Variants in BNC2 observed in about 807,000 individuals in gnomAD.
BNC2 encodes the protein zinc finger protein basonuclin-2.
In BNC2, 20 loss-of-function variants were observed where a neutral mutation model predicts 76.3. That is an observed-to-expected ratio of 0.26 (90% CI 0.18 to 0.38). The LOEUF (loss-of-function observed/expected upper bound fraction) is 0.38, where lower values mean the gene tolerates loss of function less well. Ranked by LOEUF, BNC2 falls within the 10% of genes least tolerant of loss-of-function variation. The pLI, the probability that BNC2 is intolerant of heterozygous loss-of-function variation, is 1.00. For missense variants in BNC2, 1,382 were observed against 1,399.8 expected (o/e 0.99, Z 0.20); for synonymous variants, 582 against 514.8 (o/e 1.13, Z -1.77).
chr9:16,459,841 C>T (rs1274725544), intron 5 of BNC2, among the ~76,000 whole-genome samples: 1 of 152,174 alleles, frequency 6.6e-6, no homozygotes, highest in South Asian at 2.1e-4. Context: ...ATATATTTTT[C>T]ATGTATATAA....
At chr9:16,714,858 T>C (rs561884124) in intron 3 of BNC2, among the ~76,000 whole-genome samples, 7 of 152,336 alleles carry the variant, frequency 4.6e-5, no homozygotes, top group African/African-American at 1.7e-4. Flanking sequence ...GCCTGGAGAA[T>C]TTCAATTATG....
chr9:16,632,904 T>C lies in BNC2; in HGVS notation c.331-49819A>G, dbSNP rs556937493. ...GGGAAAACAATATAATCGAGTTTTATAGGAGGGTAGGTTTCTTAATACCAG... is the reference window on the plus strand; with the variant it reads ...GGGAAAACAATATAATCGAGTTTTACAGGAGGGTAGGTTTCTTAATACCAG... On this transcript the variant is annotated intron_variant, in intron 3 of 6. Transcript: ENST00000380672. Among the ~76,000 whole-genome samples the C allele has an allele frequency of 3.1e-4, 47 of 152,284 alleles. 1 individual carries two copies. The Middle Eastern group carries it at 0.017, about 55-fold the overall frequency.
At chr9:16,470,273 A>G (rs1821795007) in intron 5 of BNC2, among the ~76,000 whole-genome samples, 1 of 152,128 alleles carries the variant, frequency 6.6e-6, no homozygotes, top group Admixed American at 6.5e-5. Context: ...CTTGGATTAC[A>G]GGCATGAGCC....
intron 1 of BNC2, among the ~76,000 whole-genome samples, chr9:16,741,687 G>T (rs1471114019): frequency 6.6e-6 from 1 of 152,054 alleles, no homozygotes; most frequent in Non-Finnish European, 1.5e-5. Flanking sequence ...GACAGGTGCG[G>T]TGGCTCACGC....
intron 5 of BNC2, among the ~76,000 whole-genome samples, chr9:16,551,466 C>A (rs1818660986): frequency 1.3e-5 from 2 of 152,230 alleles, no homozygotes; most frequent in Non-Finnish European, 2.9e-5. Context: ...TCATGTAACA[C>A]ACAGTAGCTC....
chr9:16,814,307 T>C (rs1818128919), intron 1 of BNC2, among the ~76,000 whole-genome samples: 1 of 152,218 alleles, frequency 6.6e-6, no homozygotes, highest in South Asian at 2.1e-4. Flanking sequence ...ACACTCTCCC[T>C]TTCATATATC....
At chr9:16,629,056 A>G (rs553945271) in intron 3 of BNC2, among the ~76,000 whole-genome samples, 9 of 152,322 alleles carry the variant, frequency 5.9e-5, no homozygotes, top group African/African-American at 2.2e-4. Context: ...CAAAGTCTCA[A>G]TCAGAAAAAT....
chr9:16,716,712 T>C (rs1457160135), intron 3 of BNC2, among the ~76,000 whole-genome samples: 1 of 152,340 alleles, frequency 6.6e-6, no homozygotes, highest in South Asian at 2.1e-4. Flanking sequence ...TGACCAGTCA[T>C]ATGCCAACTA....
At chr9:16,535,478 T>G (rs1313834573) in intron 5 of BNC2, among the ~76,000 whole-genome samples, 1 of 152,116 alleles carries the variant, frequency 6.6e-6, no homozygotes, top group Non-Finnish European at 1.5e-5. Context: ...ATGAGCACCT[T>G]TTTTTCTCCC....
At chr9:16,539,047 G>C (rs1490548032) in intron 5 of BNC2, among the ~76,000 whole-genome samples, 1 of 151,886 alleles carries the variant, frequency 6.6e-6, no homozygotes, top group Non-Finnish European at 1.5e-5. Flanking sequence ...ATACCATGGT[G>C]TGTGTGTGTT....
intron 5 of BNC2, among the ~76,000 whole-genome samples, chr9:16,492,752 T>A (rs1328730738): frequency 6.7e-6 from 1 of 149,784 alleles, no homozygotes; most frequent in Non-Finnish European, 1.5e-5. Context: ...TAGCTATCCA[T>A]CAAGTCTACT....
At chr9:16,461,255 T>C (rs1425035453) in intron 5 of BNC2, among the ~76,000 whole-genome samples, 1 of 152,172 alleles carries the variant, frequency 6.6e-6, no homozygotes, top group African/African-American at 2.4e-5. Context: ...TTGATCTCTT[T>C]GTTGGGGCTG....
chr9:16,451,075 A>G (rs1376270463), intron 5 of BNC2, among the ~76,000 whole-genome samples: 1 of 152,038 alleles, frequency 6.6e-6, no homozygotes, highest in Non-Finnish European at 1.5e-5. Context: ...TTATCTTTTA[A>G]GGCTGGATTT....
chr9:16,748,113 TGGAGAAAGAGAAAAACA>T (rs1825063808), intron 1 of BNC2, among the ~76,000 whole-genome samples: 1 of 152,118 alleles, frequency 6.6e-6, no homozygotes, highest in African/African-American at 2.4e-5. Flanking sequence ...CTATCATTTA[TGGAGAAAGAGAAAAACA>T]GGAGAAAGAG....
intron 3 of BNC2, among the ~76,000 whole-genome samples, chr9:16,598,005 A>T (rs960353689): frequency 5.9e-5 from 9 of 152,132 alleles, no homozygotes; most frequent in Admixed American, 1.3e-4. Context: ...TCTTGATGAA[A>T]GAGACCCTAT....
At chr9:16,755,979 A>G (rs1217687590) in intron 1 of BNC2, among the ~76,000 whole-genome samples, 1 of 152,222 alleles carries the variant, frequency 6.6e-6, no homozygotes, top group African/African-American at 2.4e-5. Context: ...ATGTAGAGAT[A>G]CGTCTAAGTC....
chr9:16,732,265 G>A (rs942236641), intron 2 of BNC2, among the ~76,000 whole-genome samples: 1 of 151,958 alleles, frequency 6.6e-6, no homozygotes, highest in Non-Finnish European at 1.5e-5. Context: ...TGTTTTGCAT[G>A]TATGTTTGTA....
At chr9:16,590,225 T>C (rs1053541478) in intron 3 of BNC2, among the ~76,000 whole-genome samples, 4 of 152,148 alleles carry the variant, frequency 2.6e-5, no homozygotes, top group African/African-American at 9.6e-5. Context: ...AGAGTTTTGC[T>C]CTTGTTGCCC....
chr9:16,431,977 C>T (rs893223168), intron 6 of BNC2, among the ~76,000 whole-genome samples: 1 of 152,198 alleles, frequency 6.6e-6, no homozygotes. Context: ...GGCCATGGAC[C>T]AGTACTAGTC....
Sources: allele counts gnomAD v4.1 joint callset (sites outside exome capture counted in the v4.1 genomes callset), GRCh38; gene constraint gnomAD v4.1.1; transcripts MANE v1.5; gene names NCBI Gene and HGNC (gene_info 2026-07-23, HGNC 2026-07-21).